The following PTPRD variants were observed in gnomAD, a reference collection of about 807,000 sequenced individuals.
PTPRD encodes protein tyrosine phosphatase receptor type D.
Under a neutral mutation model 214.5 loss-of-function variants are expected in PTPRD, and 34 were observed. That is an observed-to-expected ratio of 0.16 (90% CI 0.12 to 0.21). PTPRD has a LOEUF of 0.21. PTPRD is among the 10% of genes least tolerant of loss of function. PTPRD has a pLI of 1.00. For missense variants in PTPRD, 2,545 were observed against 2,398.7 expected (o/e 1.06, Z -1.27); for synonymous variants, 1,128 against 845.7 (o/e 1.33, Z -5.79).
At chr9:9,370,252 G>A (rs1021383986) in intron 9 of PTPRD, among the ~76,000 whole-genome samples, 18 of 152,048 alleles carry the variant, frequency 1.2e-4, no homozygotes, top group Non-Finnish European at 7.4e-5. Flanking sequence ...AGCATGGAAT[G>A]TTCTTCCATT....
At chr9:10,381,981 T>G (rs750658251) in intron 2 of PTPRD, among the ~76,000 whole-genome samples, 1 of 151,962 alleles carries the variant, frequency 6.6e-6, no homozygotes, top group Non-Finnish European at 1.5e-5. Context: ...CAGAGAATAG[T>G]TCTACCATCT....
chr9:8,412,137 T>G (rs1183830387), intron 35 of PTPRD, among the ~76,000 whole-genome samples: 1 of 152,188 alleles, frequency 6.6e-6, no homozygotes, highest in Non-Finnish European at 1.5e-5. Context: ...TGAGGTGGCA[T>G]GTGCCTGTAA....
chr9:8,388,252 C>T (rs1031358412), intron 37 of PTPRD, among the ~76,000 whole-genome samples: 8 of 152,134 alleles, frequency 5.3e-5, no homozygotes, highest in Non-Finnish European at 1.2e-4. Flanking sequence ...ATGTGTTGAG[C>T]TTAGAAGAAC....
intron 2 of PTPRD, among the ~76,000 whole-genome samples, chr9:10,589,246 T>C (rs760959293): frequency 3.3e-5 from 5 of 152,022 alleles, no homozygotes; most frequent in Non-Finnish European, 7.4e-5. Flanking sequence ...TGGAGAAACC[T>C]TGTTATCAAG....
At chr9:9,805,261 A>C (rs58537661) in intron 5 of PTPRD, among the ~76,000 whole-genome samples, 3,486 of 152,188 alleles carry the variant, frequency 0.023, 134 homozygotes, top group African/African-American at 0.08. Flanking sequence ...GTAATATATA[A>C]AGTGCTTTGC....
At chr9:9,702,026 AG>A (rs1358365429) in intron 7 of PTPRD, among the ~76,000 whole-genome samples, 1 of 152,024 alleles carries the variant, frequency 6.6e-6, no homozygotes, top group Non-Finnish European at 1.5e-5. Flanking sequence ...TAGCTGAGGC[AG>A]GGGGATTGCT....
intron 2 of PTPRD, among the ~76,000 whole-genome samples, chr9:10,400,749 C>T (rs978083453): frequency 1.3e-5 from 2 of 151,334 alleles, no homozygotes; most frequent in Admixed American, 1.3e-4. Context: ...CTATTTCCTT[C>T]TTAGTTTTTA....
At chr9:8,330,980 A>AATGTCTGAACTATTTACTTGCTATTT (rs1840024164) in intron 44 of PTPRD, among the ~76,000 whole-genome samples, 2 of 150,852 alleles carry the variant, frequency 1.3e-5, no homozygotes, top group Admixed American at 1.3e-4. Context: ...ATTTATGGTG[A>AATGTCTGAACTATTTACTTGCTATTT]ATGTCTGAAC....
chr9:8,479,368 A>G (rs1314073524), intron 30 of PTPRD, among the ~76,000 whole-genome samples: 2 of 152,190 alleles, frequency 1.3e-5, no homozygotes, highest in African/African-American at 4.8e-5. Context: ...TGGCTGTAAT[A>G]TATTTCTGAG....
chr9:9,080,654 C>T (rs541836354), intron 10 of PTPRD, among the ~76,000 whole-genome samples: 16 of 152,102 alleles, frequency 1.1e-4, no homozygotes, highest in African/African-American at 3.9e-4. Flanking sequence ...TCTTCTGGGT[C>T]TATCCCACTT....
chr9:10,562,209 G>A (rs1274427345), intron 2 of PTPRD, among the ~76,000 whole-genome samples: 2 of 152,032 alleles, frequency 1.3e-5, no homozygotes, highest in Non-Finnish European at 2.9e-5. Context: ...TCTGCCAAGT[G>A]TTCTTTTTAC....
At chr9:9,500,949 A>C (rs2096394219) in intron 8 of PTPRD, among the ~76,000 whole-genome samples, 1 of 152,160 alleles carries the variant, frequency 6.6e-6, no homozygotes, top group South Asian at 2.1e-4. Flanking sequence ...CACACTGATA[A>C]GTTAAGGATA....
chr9:9,064,708 T>C (rs1005879052), intron 10 of PTPRD, among the ~76,000 whole-genome samples: 3 of 152,202 alleles, frequency 2.0e-5, no homozygotes, highest in African/African-American at 4.8e-5. Context: ...CAATCTGTGG[T>C]ATGAAGTTGC....
At chr9:8,925,069 T>C (rs1487612947) in intron 11 of PTPRD, among the ~76,000 whole-genome samples, 1 of 152,200 alleles carries the variant, frequency 6.6e-6, no homozygotes, top group Non-Finnish European at 1.5e-5. Flanking sequence ...CTGCTCTTTT[T>C]ACAGCCATTT....
At chr9:9,580,566 T>G (rs1448154119) in intron 7 of PTPRD, among the ~76,000 whole-genome samples, 1 of 122,320 alleles carries the variant, frequency 8.2e-6, no homozygotes. Context: ...TTTTTTTTTT[T>G]GAGACAGAGT....
intron 3 of PTPRD, among the ~76,000 whole-genome samples, chr9:10,167,913 A>G (rs2099169412): frequency 6.6e-6 from 1 of 152,174 alleles, no homozygotes; most frequent in African/African-American, 2.4e-5. Context: ...AAAATGTGCA[A>G]AGAGCTACAG....
chr9:8,979,923 G>A (rs1769882900), intron 11 of PTPRD, among the ~76,000 whole-genome samples: 1 of 152,046 alleles, frequency 6.6e-6, no homozygotes, highest in Non-Finnish European at 1.5e-5. Flanking sequence ...CATGTTCACT[G>A]CAGTAATATT....
intron 11 of PTPRD, among the ~76,000 whole-genome samples, chr9:8,835,736 C>G (rs2097404632): frequency 1.3e-5 from 2 of 152,028 alleles, no homozygotes; most frequent in Admixed American, 1.3e-4. Context: ...GAGGGTCTCT[C>G]TATGCTGCCC....
intron 10 of PTPRD, among the ~76,000 whole-genome samples, chr9:9,053,204 G>A (rs999511966): frequency 2.6e-5 from 4 of 152,128 alleles, no homozygotes; most frequent in African/African-American, 9.7e-5. Context: ...TAACATAATA[G>A]TATAACATAG....
Sources: allele counts gnomAD v4.1 joint callset (sites outside exome capture counted in the v4.1 genomes callset), GRCh38; gene constraint gnomAD v4.1.1; transcripts MANE v1.5; gene names NCBI Gene and HGNC (gene_info 2026-07-23, HGNC 2026-07-21).